MARCHF1: variants seen among roughly 807,000 people sequenced by gnomAD.
The protein encoded by MARCHF1 is E3 ubiquitin-protein ligase MARCHF1.
A neutral mutation model predicts 54.2 loss-of-function variants in MARCHF1; 40 were observed. The observed-to-expected ratio is 0.74, with a 90% CI of 0.57 to 0.96. The LOEUF (loss-of-function observed/expected upper bound fraction) is 0.96. MARCHF1 is among the 40% of genes least tolerant of loss of function. The pLI is 0.00. For synonymous variants in MARCHF1, 236 were observed against 236.3 expected (o/e 1.00, Z 0.01); for missense variants, 586 against 656.5 (o/e 0.89, Z 1.17).
At chr4:164,027,699 G>A (rs529010879) in intron 2 of MARCHF1, among the ~76,000 whole-genome samples, 54 of 152,028 alleles carry the variant, frequency 3.6e-4, no homozygotes, top group African/African-American at 1.3e-3. Flanking sequence ...GGCAAATAAT[G>A]TTTGGCTAAG....
chr4:163,817,052 T>C (rs981517999), intron 4 of MARCHF1, among the ~76,000 whole-genome samples: 4 of 152,178 alleles, frequency 2.6e-5, no homozygotes, highest in African/African-American at 9.7e-5. Context: ...CCATCTACCA[T>C]GCTCTGGCTT....
In MARCHF1 at chr4:164,348,898, T is replaced by G. The variant is rs186962843; in HGVS notation, c.-323+34972A>C. On this transcript the variant is annotated intron_variant, in intron 1 of 9. Coordinates refer to ENST00000514618, the MANE Select transcript of MARCHF1 (RefSeq NM_001394959.1). ...ACCACAAAGAATTAGCCAGATAAGCTCCCTGATTTAGAGTGTCTCATACTC... is the reference window on the plus strand; with the variant it reads ...ACCACAAAGAATTAGCCAGATAAGCGCCCTGATTTAGAGTGTCTCATACTC... Among the ~76,000 whole-genome samples, 298 of 152,242 alleles carry G rather than the reference T, an allele frequency of 2.0e-3. 1 individual carries two copies. Among genetic ancestry groups the G allele is most frequent in the African/African-American group, 7.0e-3 (290 of 41,552 alleles).
At chr4:163,529,113 T>C (rs1738253856) in intron 9 of MARCHF1, 67 bp from the exon 10 acceptor site, 1 of 1,261,438 alleles carries the variant, frequency 7.9e-7, no homozygotes. Flanking sequence ...ATTTTTTTTT[T>C]CTATGACCCT....
chr4:164,034,110 G>GACAGATAT lies in MARCHF1; in HGVS notation c.-247-45402_-247-45401insATATCTGT, dbSNP rs771385241. On this transcript the variant is annotated intron_variant, in intron 2 of 9. Transcript: ENST00000514618. ...AGATAGATAGATAGATAGATAGATAGATAGATAGAGATATATACATACCAT... is the reference window on the plus strand; with the variant it reads ...AGATAGATAGATAGATAGATAGATAGACAGATATATAGATAGAGATATATACATACCAT... 6.3e-3 allele frequency among the ~76,000 whole-genome samples: 899 copies of GACAGATAT among 141,860 alleles called. 8 individuals carry two copies. Among genetic ancestry groups the GACAGATAT allele is most frequent in the African/African-American group, 0.024 (854 of 35,624 alleles). The allele number at this position is 141,860 out of a possible 152,430, so 93.1% of individuals were successfully genotyped here. A position where few individuals can be genotyped will look rare whatever the true frequency, so the allele number is the denominator to read the frequency against.
intron 2 of MARCHF1, among the ~76,000 whole-genome samples, chr4:164,070,452 A>G (rs1754838658): frequency 6.6e-6 from 1 of 152,176 alleles, no homozygotes; most frequent in African/African-American, 2.4e-5. Flanking sequence ...GACTGGGATC[A>G]TTTTAAAAAC....
At chr4:163,982,035 T>G (rs888768109) in intron 3 of MARCHF1, among the ~76,000 whole-genome samples, 1 of 152,262 alleles carries the variant, frequency 6.6e-6, no homozygotes, top group African/African-American at 2.4e-5. Context: ...TATTCAGTCT[T>G]ATTAATGCAA....
chr4:164,338,041 AAAAATAACTGT>A (rs1433389258), intron 1 of MARCHF1, among the ~76,000 whole-genome samples: 3 of 152,346 alleles, frequency 2.0e-5, no homozygotes, highest in Non-Finnish European at 4.4e-5. Context: ...AAAAGTATTT[AAAAATAACTGT>A]AGGCATAATA....
intron 5 of MARCHF1, among the ~76,000 whole-genome samples, chr4:163,674,945 G>A (rs1223502447): frequency 1.3e-5 from 2 of 152,050 alleles, no homozygotes; most frequent in African/African-American, 4.8e-5. Flanking sequence ...AGATAATGTT[G>A]AAGAAATCTT....
chr4:163,929,187 T>C (rs1751601111), intron 3 of MARCHF1, among the ~76,000 whole-genome samples: 1 of 152,018 alleles, frequency 6.6e-6, no homozygotes, highest in Non-Finnish European at 1.5e-5. Flanking sequence ...AAAATTATGG[T>C]AGAGAAGTTA....
intron 2 of MARCHF1, among the ~76,000 whole-genome samples, chr4:164,086,248 C>A (rs937756723): frequency 6.6e-6 from 1 of 151,776 alleles, no homozygotes; most frequent in African/African-American, 2.4e-5. Context: ...AAGACCACTA[C>A]ACAAACTCTA....
chr4:163,547,149 A>G (rs1452062332), intron 8 of MARCHF1, among the ~76,000 whole-genome samples: 2 of 152,202 alleles, frequency 1.3e-5, no homozygotes, highest in Non-Finnish European at 1.5e-5. Context: ...TGTGGTACAT[A>G]AAGTCCTGTC....
chr4:163,813,826 A>C (rs1211861438), intron 4 of MARCHF1, among the ~76,000 whole-genome samples: 1 of 152,148 alleles, frequency 6.6e-6, no homozygotes, highest in Non-Finnish European at 1.5e-5. Flanking sequence ...CAGGGCTTGC[A>C]TGTCTGACAT....
chr4:163,565,759 A>AAAT (rs1204426407), intron 8 of MARCHF1, among the ~76,000 whole-genome samples: 7 of 152,312 alleles, frequency 4.6e-5, no homozygotes, highest in Non-Finnish European at 7.3e-5. Flanking sequence ...CTGCTAAGAA[A>AAAT]AATCTTACCC....
chr4:163,795,443 T>C (rs1313716718), intron 4 of MARCHF1, among the ~76,000 whole-genome samples: 1 of 152,206 alleles, frequency 6.6e-6, no homozygotes, highest in Non-Finnish European at 1.5e-5. Flanking sequence ...TTGGCCAGGC[T>C]GGTCTCGAAC....
At chr4:164,071,078 C>T (rs938174364) in intron 2 of MARCHF1, among the ~76,000 whole-genome samples, 1 of 152,120 alleles carries the variant, frequency 6.6e-6, no homozygotes, top group African/African-American at 2.4e-5. Context: ...CCAGTTAAAC[C>T]TTTTTTTGTT....
chr4:163,787,427 T>A (rs1158320915), intron 4 of MARCHF1, among the ~76,000 whole-genome samples: 1 of 151,566 alleles, frequency 6.6e-6, no homozygotes, highest in African/African-American at 2.4e-5. Context: ...TGAATAGACA[T>A]CTCTTCAGAG....
chr4:164,149,384 A>C (rs969007288), intron 1 of MARCHF1, among the ~76,000 whole-genome samples: 2 of 152,138 alleles, frequency 1.3e-5, no homozygotes, highest in Admixed American at 1.3e-4. Context: ...TATTAAATCC[A>C]ACAGATAACA....
rs1394190119 is a variant in MARCHF1, at chr4:163,700,844, C to T, written c.131G>A (p.Arg44Gln). The T allele has an allele frequency of 1.9e-5, 29 of 1,536,244 alleles. No homozygotes were observed. The highest frequency in any genetic ancestry group is 2.4e-5 in the East Asian group (1 of 40,818). ...AATGTTACTTGATCGACTTGCAGAT[C>T]GCCCTGGGGATTTTTCATTCTGAAA... ...TSTLNEKSPG[R>Q]SASRSSNISK... is the part of the protein sequence containing the mutation. Residue 44 changes from arginine (R) to glutamine (Q), a missense_variant, in exon 5 of 10, where the codon CGA becomes CAA. Arg to Gln is a conservative substitution (Grantham distance 43). Transcript: ENST00000514618.
chr4:163,934,807 G>A (rs747403839), intron 3 of MARCHF1, among the ~76,000 whole-genome samples: 4 of 151,898 alleles, frequency 2.6e-5, no homozygotes, highest in African/African-American at 4.8e-5. Context: ...GAACTTGACC[G>A]AACTGAAGTT....
Sources: allele counts gnomAD v4.1 joint callset (sites outside exome capture counted in the v4.1 genomes callset), GRCh38; gene constraint gnomAD v4.1.1; transcripts MANE v1.5; gene names NCBI Gene and HGNC (gene_info 2026-07-23, HGNC 2026-07-21).